Variants in ABLIM1 observed in about 807,000 individuals in gnomAD.
ABLIM1 encodes the protein actin binding LIM protein 1.
In ABLIM1, 40 loss-of-function variants were observed where a neutral mutation model predicts 107.0. The ratio of observed to expected loss-of-function variants is 0.37; its 90% confidence interval spans 0.29 to 0.49. ABLIM1 has a LOEUF of 0.49. Among genes scored for constraint, ABLIM1 ranks in the 20% least tolerant of loss-of-function variants. ABLIM1 has a pLI of 0.97. For missense variants in ABLIM1, 857 were observed against 1,008.5 expected (o/e 0.85, Z 2.04); for synonymous variants, 357 against 357.3 (o/e 1.00, Z 0.01).
the ABLIM1 span, among the ~76,000 whole-genome samples, chr10:114,783,823 G>C: frequency 1.3e-5 from 2 of 151,982 alleles, no homozygotes; most frequent in African/African-American, 4.8e-5. Flanking sequence ...ACTGAACTTG[G>C]AAAGAAATGT....
intron 7 of ABLIM1, among the ~76,000 whole-genome samples, chr10:114,491,554 G>T (rs1206447420): frequency 6.6e-6 from 1 of 152,080 alleles, no homozygotes; most frequent in Non-Finnish European, 1.5e-5. Flanking sequence ...CCATTCATTT[G>T]ATTAAGGCAG....
chr10:114,491,012 G>GTGTATATATATA lies in ABLIM1; in HGVS notation c.982+778_982+779insTATATATATACA. On this transcript the variant is annotated intron_variant, in intron 7 of 22. Transcript: ENST00000533213. ...TGTGTGTGTGTGTGTGTGTGTGTGT[G>GTGTATATATATA]TATATATATATATGGTCTATTTTAT... Among the ~76,000 whole-genome samples, 743 of 92,320 alleles carry GTGTATATATATA rather than the reference G, an allele frequency of 8.0e-3. 6 individuals are homozygous for GTGTATATATATA. The highest frequency in any genetic ancestry group is 0.011 in the Non-Finnish European group (559 of 50,808). 60.6% of individuals were successfully genotyped at this position (92,320 alleles called of 152,430 possible). A position where few individuals can be genotyped will look rare whatever the true frequency, so the allele number is the denominator to read the frequency against.
At chr10:114,701,282 T>A (rs909422840) in intron 1 of ABLIM1, among the ~76,000 whole-genome samples, 16 of 152,166 alleles carry the variant, frequency 1.1e-4, no homozygotes, top group African/African-American at 3.9e-4. Context: ...GGTGAGGATG[T>A]GAGACAATTG....
the ABLIM1 span, among the ~76,000 whole-genome samples, chr10:114,797,602 G>A: frequency 6.6e-6 from 1 of 152,020 alleles, no homozygotes; most frequent in Non-Finnish European, 1.5e-5. Context: ...CTTTCCTGCA[G>A]TAATCCCTTC....
rs2078213186 is a variant in ABLIM1 at position 114,631,984 on chromosome 10, G to A, written c.244+25973C>T. Reference sequence around the variant, plus strand: ...AGGAATAAACTCTGGGAGTGGAAGCGCGCCTCGGCAGACAGATCCGCGGGC... The same window carrying A: ...AGGAATAAACTCTGGGAGTGGAAGCACGCCTCGGCAGACAGATCCGCGGGC... On this transcript the variant is annotated intron_variant, in intron 1 of 22. Coordinates refer to ENST00000533213, the MANE Select transcript of ABLIM1 (RefSeq NM_002313.7). 3.1e-6 allele frequency: 4 copies of A among 1,301,466 alleles called. No individual in the cohort carries two copies. In the African/African-American group the frequency reaches 4.6e-5, roughly 15 times the overall value. 80.6% of individuals were successfully genotyped at this position (1,301,466 alleles called of 1,614,324 possible).
chr10:114,470,963 C>T (rs977279075), intron 10 of ABLIM1, among the ~76,000 whole-genome samples: 11 of 152,144 alleles, frequency 7.2e-5, no homozygotes, highest in Admixed American at 3.9e-4. Context: ...TGGCTCAATG[C>T]AGCCTCAACC....
intron 4 of ABLIM1, among the ~76,000 whole-genome samples, chr10:114,567,803 A>G (rs1018236774): frequency 6.6e-5 from 10 of 152,218 alleles, no homozygotes; most frequent in Non-Finnish European, 1.2e-4. Context: ...TCTGAACAGG[A>G]TATTTCAAAG....
chr10:114,795,514 C>T, the ABLIM1 span, among the ~76,000 whole-genome samples: 22 of 152,084 alleles, frequency 1.4e-4, no homozygotes, highest in Non-Finnish European at 2.5e-4. Context: ...TGAGACCAGC[C>T]TGGCCAAAAT....
At chr10:114,618,813 G>C (rs1256645723) in intron 1 of ABLIM1, among the ~76,000 whole-genome samples, 1 of 152,208 alleles carries the variant, frequency 6.6e-6, no homozygotes, top group African/African-American at 2.4e-5. Flanking sequence ...TTCATGTTTA[G>C]TAGTTGGCAT....
chr10:114,455,769 A>G (rs1351090565), intron 12 of ABLIM1, among the ~76,000 whole-genome samples: 2 of 152,194 alleles, frequency 1.3e-5, no homozygotes, highest in Non-Finnish European at 1.5e-5. Flanking sequence ...ATGCTAGTGC[A>G]ATAAGTCCTC....
At chr10:114,496,100 G>T (rs1004189691) in intron 6 of ABLIM1, among the ~76,000 whole-genome samples, 1 of 152,212 alleles carries the variant, frequency 6.6e-6, no homozygotes, top group African/African-American at 2.4e-5. Context: ...GTGTGGTTTG[G>T]ATGCCAGTAA....
intron 1 of ABLIM1, among the ~76,000 whole-genome samples, chr10:114,726,811 A>G (rs755120199): frequency 9.9e-5 from 15 of 152,108 alleles, no homozygotes; most frequent in Admixed American, 3.3e-4. Flanking sequence ...AACAGCACCC[A>G]GGGGATGGCG....
chr10:114,477,646 C>G (rs1465888758), intron 8 of ABLIM1, among the ~76,000 whole-genome samples: 1 of 152,180 alleles, frequency 6.6e-6, no homozygotes, highest in African/African-American at 2.4e-5. Context: ...TCTTTAACAG[C>G]ACCTTCCAGG....
chr10:114,574,116 C>G (rs1332616084), intron 3 of ABLIM1, among the ~76,000 whole-genome samples: 1 of 152,062 alleles, frequency 6.6e-6, no homozygotes, highest in African/African-American at 2.4e-5. Flanking sequence ...ATTGAATCTT[C>G]CCTTCTAGAG....
intron 4 of ABLIM1, among the ~76,000 whole-genome samples, chr10:114,560,260 A>T (rs544310229): frequency 3.0e-4 from 46 of 152,114 alleles, no homozygotes; most frequent in Middle Eastern, 3.4e-3. Context: ...CCATTAACAG[A>T]TGAATGGATA....
intron 1 of ABLIM1, among the ~76,000 whole-genome samples, chr10:114,733,241 G>A (rs1018320953): frequency 1.3e-5 from 2 of 152,124 alleles, no homozygotes; most frequent in East Asian, 3.9e-4. Context: ...ATAGGTCCAG[G>A]GTGGAAGAAC....
chr10:114,789,085 C>T, the ABLIM1 span, among the ~76,000 whole-genome samples: 1 of 151,690 alleles, frequency 6.6e-6, no homozygotes, highest in African/African-American at 2.4e-5. Flanking sequence ...TGAAACCCCA[C>T]CTCTACTAAA....
intron 8 of ABLIM1, among the ~76,000 whole-genome samples, chr10:114,484,484 AC>A (rs1436066808): frequency 6.6e-6 from 1 of 151,990 alleles, no homozygotes. Flanking sequence ...CAGGGTTCAA[AC>A]AATTCTCCTG....
At chr10:114,751,749 A>C (rs754124192) in intron 1 of ABLIM1, among the ~76,000 whole-genome samples, 15 of 16,276 alleles carry the variant, frequency 9.2e-4, no homozygotes, top group African/African-American at 1.4e-3. Context: ...ACTCTGTCTC[A>C]AAAAAAAAAA....
Sources: allele counts gnomAD v4.1 joint callset (sites outside exome capture counted in the v4.1 genomes callset), GRCh38; gene constraint gnomAD v4.1.1; transcripts MANE v1.5; gene names NCBI Gene and HGNC (gene_info 2026-07-23, HGNC 2026-07-21).